RGS6: variants seen among roughly 807,000 people sequenced by gnomAD.
RGS6 encodes the protein regulator of G-protein signaling 6.
RGS6 carries 30 observed loss-of-function variants against 78.5 expected under a neutral mutation model. The ratio of observed to expected loss-of-function variants is 0.38; its 90% CI spans 0.29 to 0.52. The LOEUF is 0.52. Ranked by LOEUF, RGS6 falls within the 20% of genes least tolerant of loss-of-function variation. The pLI is 0.85. For synonymous variants in RGS6, 206 were observed against 206.0 expected (o/e 1.00, Z 0.00); for missense variants, 495 against 609.7 (o/e 0.81, Z 1.98).
chr14:72,456,273 C>T lies in RGS6; in HGVS notation c.235+1695C>T, dbSNP rs1255318773. On this transcript the variant is annotated intron_variant, in intron 4 of 17. Coordinates refer to ENST00000553525, the MANE Select transcript of RGS6 (RefSeq NM_001204424.2). ...CTGCCCCTCTCTCCCTTCTTTTTCC[C>T]ATCAGTCGATTTCCTGTGGTTATTT... 2.6e-5 allele frequency among the ~76,000 whole-genome samples: 4 copies of T among 152,118 alleles called. No homozygotes were observed. In the East Asian group the frequency reaches 7.7e-4, roughly 29 times the overall value.
chr14:72,234,997 A>G (rs763689291), intron 2 of RGS6, among the ~76,000 whole-genome samples: 3 of 152,120 alleles, frequency 2.0e-5, no homozygotes, highest in Non-Finnish European at 2.9e-5. Context: ...TCGTTTTACA[A>G]TTGAGTCAAC....
rs546566447 is a variant in RGS6 at position 72,286,864 on chromosome 14, A to G, written c.85-65231A>G. On this transcript the variant is annotated intron_variant, in intron 2 of 17. Transcript: ENST00000553525. ...AGTGGCACAATCTCGGCTCACTGCA[A>G]TCTCCACCTCTCAGGTTCAAGCAAT... 2.6e-5 allele frequency among the ~76,000 whole-genome samples: 4 copies of G among 151,778 alleles called. No individual in the cohort carries two copies. In the South Asian group the frequency reaches 8.4e-4, roughly 32 times the overall value.
intron 2 of RGS6, among the ~76,000 whole-genome samples, chr14:72,350,891 G>A (rs2078995964): frequency 1.3e-5 from 2 of 152,122 alleles, no homozygotes; most frequent in South Asian, 4.1e-4. Flanking sequence ...ACTTAGAATA[G>A]TACCTAGCAC....
intron 12 of RGS6, among the ~76,000 whole-genome samples, chr14:72,480,674 T>C (rs948506554): frequency 2.6e-5 from 4 of 152,128 alleles, no homozygotes; most frequent in Admixed American, 2.6e-4. Context: ...TGTCAGTGGC[T>C]CTGTGAAGAT....
chr14:72,327,937 A>G (rs2152556580), intron 2 of RGS6, among the ~76,000 whole-genome samples: 1 of 151,748 alleles, frequency 6.6e-6, no homozygotes, highest in Middle Eastern at 3.4e-3. Flanking sequence ...ATATATAAGG[A>G]TTTATTGTGG....
intron 15 of RGS6, among the ~76,000 whole-genome samples, chr14:72,521,014 G>A (rs1031438502): frequency 6.6e-6 from 1 of 152,168 alleles, no homozygotes; most frequent in Non-Finnish European, 1.5e-5. Flanking sequence ...CACTTAGAGT[G>A]TTTCATTGTT....
intron 2 of RGS6, among the ~76,000 whole-genome samples, chr14:72,196,371 G>C (rs958964513): frequency 9.9e-5 from 15 of 152,210 alleles, no homozygotes; most frequent in African/African-American, 3.6e-4. Flanking sequence ...TGATTAGTTA[G>C]CTGGTAATTA....
chr14:72,231,673 A>G (rs2049638548), intron 2 of RGS6, among the ~76,000 whole-genome samples: 2 of 152,248 alleles, frequency 1.3e-5, no homozygotes, highest in African/African-American at 4.8e-5. Flanking sequence ...TGCTAGACTT[A>G]TAAGAGAAAC....
chr14:72,614,350 C>A, the RGS6 span, among the ~76,000 whole-genome samples: 1 of 152,180 alleles, frequency 6.6e-6, no homozygotes. Context: ...CACCTGGTAT[C>A]CAAAAGCATA....
intron 2 of RGS6, among the ~76,000 whole-genome samples, chr14:72,285,546 G>A (rs932526161): frequency 2.0e-5 from 3 of 152,114 alleles, no homozygotes; most frequent in African/African-American, 7.2e-5. Flanking sequence ...CCAGTCTTGT[G>A]TATGTCTTTA....
the RGS6 span, among the ~76,000 whole-genome samples, chr14:71,903,715 A>G: frequency 1.3e-5 from 2 of 152,364 alleles, no homozygotes; most frequent in Non-Finnish European, 2.9e-5. Context: ...CCTTATTACC[A>G]TTAGCATGAT....
At chr14:71,896,028 C>G in the RGS6 span, among the ~76,000 whole-genome samples, 60 of 152,160 alleles carry the variant, frequency 3.9e-4, no homozygotes, top group African/African-American at 1.4e-3. Flanking sequence ...TCCGTGCAGG[C>G]CAGCTTCCAG....
At chr14:72,286,377 T>C (rs2062555180) in intron 2 of RGS6, among the ~76,000 whole-genome samples, 1 of 152,234 alleles carries the variant, frequency 6.6e-6, no homozygotes. Context: ...TATGTCTGTC[T>C]TTACGCCAGT....
chr14:72,534,126 C>T (rs1336048664), intron 15 of RGS6, among the ~76,000 whole-genome samples: 3 of 152,198 alleles, frequency 2.0e-5, no homozygotes, highest in Non-Finnish European at 2.9e-5. Context: ...ACAGTCACCT[C>T]GGCCTTCGGC....
chr14:72,473,724 G>C (rs1291184874), intron 9 of RGS6, among the ~76,000 whole-genome samples: 2 of 152,222 alleles, frequency 1.3e-5, no homozygotes, highest in African/African-American at 2.4e-5. Flanking sequence ...AGGTCCCCGT[G>C]AGCCTGTGGC....
intron 1 of RGS6, among the ~76,000 whole-genome samples, chr14:71,961,470 G>C (rs2093194043): frequency 6.6e-6 from 1 of 152,142 alleles, no homozygotes; most frequent in Admixed American, 6.5e-5. Context: ...ACTATGCTGG[G>C]GCTATGGTGT....
At chr14:72,114,661 A>G (rs1260090628) in intron 2 of RGS6, among the ~76,000 whole-genome samples, 1 of 152,246 alleles carries the variant, frequency 6.6e-6, no homozygotes, top group Non-Finnish European at 1.5e-5. Context: ...TGTGGAGTTC[A>G]TAAATACAAA....
In RGS6 at chr14:72,231,718, G is replaced by A. The variant is rs111715323; in HGVS notation, c.85-120377G>A. On this transcript the variant is annotated intron_variant, in intron 2 of 17. Coordinates refer to ENST00000553525, the MANE Select transcript of RGS6 (RefSeq NM_001204424.2). ...TAAAGTGACATTTAAACAGGACCCC[G>A]AAGGCATGAAGGGAGAGCGTGGGCT... Among the ~76,000 whole-genome samples, 1,108 of 152,314 alleles carry A rather than the reference G, an allele frequency of 7.3e-3. 10 individuals carry two copies. Among genetic ancestry groups the A allele is most frequent in the African/African-American group, 0.025 (1,046 of 41,570 alleles).
At position 72,028,375 on chromosome 14, in the gene RGS6, A is replaced by G. The variant is rs77657790; in HGVS notation, c.84+63500A>G. ...AGCAGGAAATAAAAGACAAACAAGGAACTAGTAGAGCTCAAGGTATTCTTT... is the reference window on the plus strand; with the variant it reads ...AGCAGGAAATAAAAGACAAACAAGGGACTAGTAGAGCTCAAGGTATTCTTT... On this transcript the variant is annotated intron_variant, in intron 2 of 17. Transcript: ENST00000553525. Among the ~76,000 whole-genome samples the G allele has an allele frequency of 4.3e-3, 655 of 152,346 alleles. 8 individuals are homozygous for G. Among genetic ancestry groups the G allele is most frequent in the African/African-American group, 0.015 (635 of 41,588 alleles).
Sources: gnomAD v4.1 joint callset for allele counts (sites outside exome capture counted in the v4.1 genomes callset) on GRCh38, gnomAD v4.1.1 for gene constraint, MANE v1.5 for transcripts, NCBI Gene and HGNC (gene_info 2026-07-23, HGNC 2026-07-21) for gene names.